The following ADGRL2 variants were observed in gnomAD, a reference collection of about 807,000 sequenced individuals.
The protein encoded by ADGRL2 is calcium-independent alpha-latrotoxin receptor 2.
ADGRL2 carries 44 observed loss-of-function variants against 157.4 expected under a neutral mutation model. That is an observed-to-expected ratio of 0.28 (90% CI 0.22 to 0.36). The LOEUF is 0.36. ADGRL2 is among the 10% of genes least tolerant of loss of function. The pLI, the probability that ADGRL2 is intolerant of heterozygous loss-of-function variation, is 1.00. For synonymous variants in ADGRL2, 585 were observed against 624.7 expected (o/e 0.94, Z 0.95); for missense variants, 1,510 against 1,768.9 (o/e 0.85, Z 2.63).
chr1:81,750,972 C>T (rs2085471416), intron 1 of ADGRL2, among the ~76,000 whole-genome samples: 1 of 152,116 alleles, frequency 6.6e-6, no homozygotes, highest in Non-Finnish European at 1.5e-5. Context: ...CAATAACATT[C>T]TCATCTAAAA....
chr1:81,575,880 A>G (rs558380964), intron 2 of ADGRL2, among the ~76,000 whole-genome samples: 5 of 152,286 alleles, frequency 3.3e-5, no homozygotes, highest in Non-Finnish European at 7.4e-5. Flanking sequence ...GGAAAATTCC[A>G]AATTTATACT....
At chr1:81,878,034 A>G (rs181823612) in intron 2 of ADGRL2, among the ~76,000 whole-genome samples, 25 of 152,284 alleles carry the variant, frequency 1.6e-4, no homozygotes, top group Admixed American at 1.5e-3. Context: ...TTAGAATACT[A>G]TGCAGTTGTA....
intron 10 of ADGRL2, among the ~76,000 whole-genome samples, chr1:81,953,250 G>A (rs1187737094): frequency 1.3e-5 from 2 of 151,930 alleles, no homozygotes; most frequent in African/African-American, 4.8e-5. Flanking sequence ...AAAAGTACAC[G>A]AATTTTAATG....
intron 2 of ADGRL2, among the ~76,000 whole-genome samples, chr1:81,840,494 T>C (rs529906602): frequency 6.6e-6 from 1 of 152,266 alleles, no homozygotes; most frequent in East Asian, 1.9e-4. Flanking sequence ...GCAAACATTA[T>C]AAATGTCATA....
At chr1:81,766,858 A>T (rs1274294478) in intron 2 of ADGRL2, among the ~76,000 whole-genome samples, 1 of 151,346 alleles carries the variant, frequency 6.6e-6, no homozygotes, top group African/African-American at 2.4e-5. Context: ...AAAAAAAAAA[A>T]AAAAGAAAAA....
intron 1 of ADGRL2, among the ~76,000 whole-genome samples, chr1:81,817,708 A>G (rs2090550826): frequency 6.6e-6 from 1 of 152,050 alleles, no homozygotes; most frequent in South Asian, 2.1e-4. Flanking sequence ...AATGAGTAAA[A>G]TCTTGATTTT....
At chr1:81,957,180 TTA>T in intron 11 of ADGRL2, among the ~76,000 whole-genome samples, 1 of 91,744 alleles carries the variant, frequency 1.1e-5, no homozygotes, top group East Asian at 4.3e-4. Context: ...ATTCTGAAAA[TTA>T]TTAAAAAAAA....
chr1:81,943,988 C>A lies in ADGRL2; in HGVS notation c.1210+219C>A, dbSNP rs184431309. Among the ~76,000 whole-genome samples, 6 of 152,066 alleles carry A rather than the reference C, an allele frequency of 3.9e-5. No individual in the cohort carries two copies. In the South Asian group the frequency reaches 1.2e-3, roughly 32 times the overall value. On this transcript the variant is annotated intron_variant, in intron 6 of 23. Coordinates refer to ENST00000686636, the MANE Select transcript of ADGRL2 (RefSeq NM_001366006.2). This position sits in a 1 kb window ranked among gnomAD's most constrained non-coding sequence, Gnocchi z 5.6. ...AAGAAATTGTGGCATTATTAGTCAG[C>A]TTAAACTTTTTTCATTGCTAAAAAT...
At chr1:81,619,317 G>C (rs556037996) in intron 3 of ADGRL2, among the ~76,000 whole-genome samples, 1 of 150,944 alleles carries the variant, frequency 6.6e-6, no homozygotes, top group Non-Finnish European at 1.5e-5. Context: ...ACCACCTGCC[G>C]TGCCTTTAGT....
At chr1:81,801,422 T>G (rs1338204608) in intron 1 of ADGRL2, among the ~76,000 whole-genome samples, 2 of 152,082 alleles carry the variant, frequency 1.3e-5, no homozygotes, top group Admixed American at 6.5e-5. Flanking sequence ...TCTCTCTCTC[T>G]CTCCCTCTCG....
At chr1:81,361,114 A>G (rs2075970727) in intron 1 of ADGRL2, among the ~76,000 whole-genome samples, 1 of 151,928 alleles carries the variant, frequency 6.6e-6, no homozygotes, top group African/African-American at 2.4e-5. Flanking sequence ...CAGAAAAAAG[A>G]AAGAAAACAA....
chr1:81,944,480 A>T (rs1394137931), intron 6 of ADGRL2, among the ~76,000 whole-genome samples: 6 of 152,046 alleles, frequency 3.9e-5, no homozygotes, highest in African/African-American at 1.2e-4. Flanking sequence ...ACTTTGGTTT[A>T]TTAAGTGAGT....
chr1:81,645,809 C>T (rs2082304743), intron 3 of ADGRL2, among the ~76,000 whole-genome samples: 1 of 152,094 alleles, frequency 6.6e-6, no homozygotes. Flanking sequence ...CTAATAAATA[C>T]TGATGCATTG....
intron 1 of ADGRL2, among the ~76,000 whole-genome samples, chr1:81,441,976 G>T (rs1193010353): frequency 6.6e-6 from 1 of 152,128 alleles, no homozygotes; most frequent in Admixed American, 6.6e-5. Context: ...TGAGACTACA[G>T]ATGCACACTA....
intron 19 of ADGRL2, chr1:81,984,360 T>C (rs1483846766): frequency 7.7e-6 from 3 of 389,686 alleles, no homozygotes; most frequent in Non-Finnish European, 1.4e-5. Context: ...TTATATCACA[T>C]TTTAAAGACT....
At position 81,503,405 on chromosome 1, in the gene ADGRL2, C is replaced by A. The variant is rs927937630; in HGVS notation, c.-248+58316C>A. On this transcript the variant is annotated intron_variant, in intron 2 of 24. Coordinates refer to the ADGRL2 transcript ENST00000370721. ...AGCAGCAGCAGCAGCTCTCACTGTT[C>A]ACCAAGTCCTACCTCATCCCGGGGC... 1.9e-6 allele frequency: 3 copies of A among 1,613,712 alleles called. No homozygotes were observed. In the African/African-American group the frequency reaches 4.0e-5, roughly 22 times the overall value.
chr1:81,703,934 G>T (rs771268732), intron 1 of ADGRL2, among the ~76,000 whole-genome samples: 2 of 152,202 alleles, frequency 1.3e-5, no homozygotes, highest in Non-Finnish European at 2.9e-5. Context: ...ATCTGCATAT[G>T]AAGTAAAGGA....
intron 2 of ADGRL2, among the ~76,000 whole-genome samples, chr1:81,857,267 A>G (rs1015091072): frequency 6.6e-6 from 1 of 152,164 alleles, no homozygotes; most frequent in Non-Finnish European, 1.5e-5. Flanking sequence ...ATGGAAATCC[A>G]TTTTTATTTT....
chr1:81,947,489 C>T (rs1008658036), intron 6 of ADGRL2, among the ~76,000 whole-genome samples: 8 of 152,098 alleles, frequency 5.3e-5, no homozygotes, highest in Non-Finnish European at 7.4e-5. Flanking sequence ...TTATCTTCAT[C>T]GTTCAGTTTC....
Sources: allele counts gnomAD v4.1 joint callset (sites outside exome capture counted in the v4.1 genomes callset), GRCh38; gene constraint gnomAD v4.1.1; non-coding constraint Gnocchi (gnomAD v3.1); transcripts MANE v1.5; gene names NCBI Gene and HGNC (gene_info 2026-07-23, HGNC 2026-07-21).